The following COMMD1 variants were observed in gnomAD, a reference collection of about 807,000 sequenced individuals.
COMMD1 encodes COMM domain-containing protein 1.
A neutral mutation model predicts 17.2 loss-of-function variants in COMMD1; 10 were observed. That is an observed-to-expected ratio of 0.58 (90% confidence interval 0.36 to 0.99). The LOEUF is 0.99. Among genes scored for constraint, COMMD1 ranks in the 50% least tolerant of loss-of-function variants. The probability of loss-of-function intolerance (pLI) is 0.01; values close to 1 mark genes in which losing one functional copy is unlikely to be tolerated. For synonymous variants in COMMD1, 97 were observed against 91.6 expected (o/e 1.06, Z -0.34); for missense variants, 270 against 231.8 (o/e 1.17, Z -1.07).
chr2:62,078,412 G>T (rs766503975), intron 2 of COMMD1, among the ~76,000 whole-genome samples: 1 of 143,364 alleles, frequency 7.0e-6, no homozygotes, highest in Non-Finnish European at 1.5e-5. Context: ...AATTAGCCGG[G>T]CATGGTGGCA....
At chr2:62,025,014 G>T (rs1213189093) in intron 2 of COMMD1, among the ~76,000 whole-genome samples, 3 of 152,156 alleles carry the variant, frequency 2.0e-5, no homozygotes, top group Non-Finnish European at 4.4e-5. Flanking sequence ...ATCACCTGAG[G>T]TCAGGAGTTC....
chr2:62,116,792 GCCTGACCAA>G (rs1331527341), intron 2 of COMMD1, among the ~76,000 whole-genome samples: 3 of 149,728 alleles, frequency 2.0e-5, no homozygotes, highest in Admixed American at 2.0e-4. Context: ...TTCCAGACCA[GCCTGACCAA>G]CCTGACCAAC....
chr2:61,973,000 T>C (rs1348399216), intron 1 of COMMD1, among the ~76,000 whole-genome samples: 1 of 152,126 alleles, frequency 6.6e-6, no homozygotes, highest in African/African-American at 2.4e-5. Context: ...GTAGTATACT[T>C]ATATGAAATA....
chr2:61,999,930 CTT>C (rs113297946), intron 1 of COMMD1, among the ~76,000 whole-genome samples: 13 of 140,112 alleles, frequency 9.3e-5, no homozygotes, highest in Admixed American at 1.4e-4. Flanking sequence ...CCCCCACCCA[CTT>C]TTTTTTTTTT....
rs370866469 is a variant in COMMD1, at chr2:61,998,324, A to G, written c.181-2377A>G. ...CTGAGGCTGGAAGTGCAGTCGTACT[A>G]TCTTGGCTCACTGCAACCTCTGCCT... On this transcript the variant is annotated intron_variant, in intron 1 of 2. Transcript: ENST00000311832. Among the ~76,000 whole-genome samples, 21 of 144,712 alleles carry G rather than the reference A, an allele frequency of 1.5e-4. No homozygotes were observed. In the East Asian group the frequency reaches 4.1e-3, roughly 28 times the overall value. The allele number at this position is 144,712 out of a possible 152,430, so 94.9% of individuals were successfully genotyped here.
In COMMD1 at chr2:62,072,179, A is replaced by G. The variant is rs186279254; in HGVS notation, c.463-63652A>G. Among the ~76,000 whole-genome samples, 74 of 152,276 alleles carry G rather than the reference A, an allele frequency of 4.9e-4. 1 individual carries two copies. Among genetic ancestry groups the G allele is most frequent in the Middle Eastern group, 6.8e-3 (2 of 294 alleles). The stretch of plus-strand genomic sequence containing the variant: ...CTGCTGATAGTGACAGGAGGTAGAC[A>G]AATTCCTAGGCAGACAGGGGCGGGT... On this transcript the variant is annotated intron_variant, in intron 2 of 2. Transcript: ENST00000311832.
At chr2:61,902,182 A>G (rs1244652553), upstream of COMMD1, among the ~76,000 whole-genome samples, 10 of 151,832 alleles carry the variant, frequency 6.6e-5, no homozygotes, top group African/African-American at 2.4e-4. Context: ...GGTAACAAGC[A>G]CTAATATTTC....
intron 2 of COMMD1, among the ~76,000 whole-genome samples, chr2:62,035,507 T>C (rs370711822): frequency 7.9e-5 from 12 of 151,272 alleles, no homozygotes; most frequent in African/African-American, 2.9e-4. Flanking sequence ...TTGGGAGACC[T>C]AGGCAAGTGG....
chr2:62,043,994 G>A (rs541194170), intron 2 of COMMD1, among the ~76,000 whole-genome samples: 1 of 152,078 alleles, frequency 6.6e-6, no homozygotes, highest in Non-Finnish European at 1.5e-5. Context: ...TAGTGAGGTG[G>A]GGGAGAGGGG....
intron 2 of COMMD1, among the ~76,000 whole-genome samples, chr2:62,014,581 A>T (rs2103839808): frequency 7.4e-5 from 4 of 54,076 alleles, no homozygotes; most frequent in East Asian, 5.6e-4. Flanking sequence ...TTTTTTTTTG[A>T]GACAGAGTCT....
intron 1 of COMMD1, among the ~76,000 whole-genome samples, chr2:61,976,198 T>TAAAAAAAAAAAA (rs200120465): frequency 1.6e-5 from 2 of 122,904 alleles, no homozygotes; most frequent in African/African-American, 6.2e-5. Flanking sequence ...ATAGAGTAAC[T>TAAAAAAAAAAAA]AAAAAAAAAA....
intron 2 of COMMD1, among the ~76,000 whole-genome samples, chr2:62,067,480 A>G (rs1671085816): frequency 6.6e-6 from 1 of 152,238 alleles, no homozygotes; most frequent in Admixed American, 6.5e-5. Flanking sequence ...GGGAGAAAAA[A>G]GTTTATGGCT....
At chr2:61,947,863 T>A (rs1391247522) in intron 1 of COMMD1, among the ~76,000 whole-genome samples, 1 of 149,084 alleles carries the variant, frequency 6.7e-6, no homozygotes, top group Non-Finnish European at 1.5e-5. Flanking sequence ...TTTCTACTTT[T>A]AAGACTTATG....
intron 2 of COMMD1, among the ~76,000 whole-genome samples, chr2:62,083,535 TTCTCTCTCTCTG>T (rs1361979364): frequency 6.6e-6 from 1 of 152,168 alleles, no homozygotes; most frequent in Non-Finnish European, 1.5e-5. Flanking sequence ...GTCTCTCTCT[TTCTCTCTCTCTG>T]TCTCTCTCGA....
chr2:62,028,868 G>T (rs1573089765), intron 2 of COMMD1, among the ~76,000 whole-genome samples: 1 of 152,014 alleles, frequency 6.6e-6, no homozygotes, highest in East Asian at 1.9e-4. Flanking sequence ...GAGTACTGAT[G>T]TCCTAAAAAC....
At chr2:61,948,387 T>G (rs1670964730) in intron 1 of COMMD1, among the ~76,000 whole-genome samples, 1 of 152,252 alleles carries the variant, frequency 6.6e-6, no homozygotes, top group Non-Finnish European at 1.5e-5. Context: ...TTTTGAGAGT[T>G]TCGGGACTAC....
intron 2 of COMMD1, among the ~76,000 whole-genome samples, chr2:62,020,867 A>G (rs963326354): frequency 2.0e-5 from 3 of 152,054 alleles, no homozygotes; most frequent in African/African-American, 4.8e-5. Flanking sequence ...GCCAGGCGTC[A>G]TGGCGCATGC....
chr2:61,998,736 A>G (rs958477425), intron 1 of COMMD1, among the ~76,000 whole-genome samples: 1 of 152,140 alleles, frequency 6.6e-6, no homozygotes. Context: ...TTAAAATCAG[A>G]TATGTGTGAC....
chr2:62,063,237 T>G (rs115080802), intron 2 of COMMD1, among the ~76,000 whole-genome samples: 9,098 of 151,876 alleles, frequency 0.06, 766 homozygotes, highest in African/African-American at 0.17. Flanking sequence ...TAAAATAAAA[T>G]AAAAGAAAAT....
Sources: allele counts gnomAD v4.1 joint callset (sites outside exome capture counted in the v4.1 genomes callset), GRCh38; gene constraint gnomAD v4.1.1; transcripts MANE v1.5; gene names NCBI Gene and HGNC (gene_info 2026-07-23, HGNC 2026-07-21).